The following RIT2 variants were observed in gnomAD, a reference collection of about 807,000 sequenced individuals.
RIT2 encodes the protein Ras like without CAAX 2.
In RIT2, 24 loss-of-function variants were observed where a neutral mutation model predicts 23.7. That is an observed-to-expected ratio of 1.01 (90% CI 0.73 to 1.43). The LOEUF (loss-of-function observed/expected upper bound fraction) is 1.43, where lower values mean the gene tolerates loss of function less well. RIT2 is among the 40% of genes most tolerant of loss of function. RIT2 has a pLI of 0.00. For synonymous variants in RIT2, 107 were observed against 91.1 expected (o/e 1.17, Z -0.99); for missense variants, 236 against 266.9 (o/e 0.88, Z 0.81).
intron 1 of RIT2, among the ~76,000 whole-genome samples, chr18:43,095,869 A>G (rs745706134): frequency 2.6e-5 from 4 of 151,962 alleles, no homozygotes; most frequent in Non-Finnish European, 5.9e-5. Context: ...CTTCCTTTAC[A>G]CTAATATTAA....
intron 4 of RIT2, among the ~76,000 whole-genome samples, chr18:42,841,310 C>T (rs953687812): frequency 3.3e-5 from 5 of 152,156 alleles, no homozygotes; most frequent in African/African-American, 1.2e-4. Context: ...ATAATAGCAG[C>T]TTTTCATCCA....
rs190247363 is a variant in RIT2 at position 43,103,314 on chromosome 18, T to C, written c.103+12103A>G. On this transcript the variant is annotated intron_variant, in intron 1 of 4. Coordinates refer to ENST00000326695, the MANE Select transcript of RIT2 (RefSeq NM_002930.4). ...AAAAAGGGTATTATGTTTATAAATA[T>C]TTTTGAAGATTTACTCCCATAAGTA... 4.6e-3 allele frequency among the ~76,000 whole-genome samples: 705 copies of C among 152,322 alleles called. 3 individuals are homozygous for C. The highest frequency in any genetic ancestry group is 0.017 in the Middle Eastern group (5 of 294).
At chr18:42,936,894 C>T (rs116683882) in intron 3 of RIT2, among the ~76,000 whole-genome samples, 2,603 of 152,012 alleles carry the variant, frequency 0.017, 98 homozygotes, top group African/African-American at 0.06. Flanking sequence ...TGCCTGTAAC[C>T]CCAGCTACTC....
intron 2 of RIT2, among the ~76,000 whole-genome samples, chr18:43,020,391 C>T (rs899110141): frequency 2.6e-5 from 4 of 151,998 alleles, no homozygotes; most frequent in African/African-American, 4.8e-5. Flanking sequence ...GAGGCTGAGG[C>T]ATGAGAATCA....
At chr18:42,838,054 A>G (rs936603844) in intron 4 of RIT2, among the ~76,000 whole-genome samples, 6 of 152,292 alleles carry the variant, frequency 3.9e-5, no homozygotes, top group Middle Eastern at 3.4e-3. Flanking sequence ...CCCCATCTCT[A>G]AAGTGCTGAA....
At chr18:43,028,053 A>T (rs6507509) in intron 2 of RIT2, among the ~76,000 whole-genome samples, 4,707 of 152,226 alleles carry the variant, frequency 0.031, 260 homozygotes, top group African/African-American at 0.1. Flanking sequence ...CATGGAACCT[A>T]CTTTTTATAT....
chr18:42,944,157 G>A (rs1909669818), intron 3 of RIT2, among the ~76,000 whole-genome samples: 1 of 152,050 alleles, frequency 6.6e-6, no homozygotes, highest in African/African-American at 2.4e-5. Flanking sequence ...TATGAGCCCT[G>A]GGGCCATATG....
chr18:42,897,565 T>C (rs919217859), intron 4 of RIT2, among the ~76,000 whole-genome samples: 1 of 152,128 alleles, frequency 6.6e-6, no homozygotes, highest in African/African-American at 2.4e-5. Context: ...TGTTTATGTA[T>C]AAAGCACAAA....
intron 3 of RIT2, among the ~76,000 whole-genome samples, chr18:42,930,138 G>A (rs1018285740): frequency 1.3e-5 from 2 of 152,136 alleles, no homozygotes; most frequent in African/African-American, 4.8e-5. Context: ...TGACAACCAG[G>A]TTTTGGGTTT....
intron 3 of RIT2, among the ~76,000 whole-genome samples, chr18:42,953,645 G>A (rs900760806): frequency 6.6e-5 from 10 of 152,230 alleles, no homozygotes; most frequent in Middle Eastern, 3.4e-3. Flanking sequence ...TCTGAGAGGA[G>A]GGTCTTGTTA....
At chr18:42,778,101 GCTGTGC>G (rs1171381934) in intron 4 of RIT2, among the ~76,000 whole-genome samples, 2 of 152,068 alleles carry the variant, frequency 1.3e-5, no homozygotes, top group Admixed American at 1.3e-4. Flanking sequence ...ATGGCTGGCT[GCTGTGC>G]TTTTAGAGCA....
chr18:43,047,182 T>C (rs1256493210), intron 1 of RIT2, among the ~76,000 whole-genome samples: 1 of 152,094 alleles, frequency 6.6e-6, no homozygotes, highest in Non-Finnish European at 1.5e-5. Flanking sequence ...CCTTTCTCAA[T>C]GTCATATATT....
intron 4 of RIT2, among the ~76,000 whole-genome samples, chr18:42,903,552 T>C (rs1437327609): frequency 6.6e-6 from 1 of 152,106 alleles, no homozygotes; most frequent in Non-Finnish European, 1.5e-5. Context: ...TTTAGATGAA[T>C]ATACGACATT....
At chr18:43,040,460 A>T (rs2144293410) in intron 1 of RIT2, among the ~76,000 whole-genome samples, 1 of 152,288 alleles carries the variant, frequency 6.6e-6, no homozygotes, top group South Asian at 2.1e-4. Flanking sequence ...ATTGTGTTCT[A>T]TGGAGTCTTT....
intron 4 of RIT2, among the ~76,000 whole-genome samples, chr18:42,891,903 G>C (rs1405641611): frequency 6.6e-6 from 1 of 152,002 alleles, no homozygotes. Context: ...GGGTAATAAC[G>C]GTGTGTCAAT....
intron 3 of RIT2, among the ~76,000 whole-genome samples, chr18:42,929,995 G>A (rs1350276556): frequency 2.0e-5 from 3 of 152,104 alleles, no homozygotes; most frequent in East Asian, 1.9e-4. Flanking sequence ...GTGGCAAGAC[G>A]GAGAGTATAG....
At chr18:42,997,079 C>T (rs1050891737) in intron 2 of RIT2, among the ~76,000 whole-genome samples, 2 of 152,082 alleles carry the variant, frequency 1.3e-5, no homozygotes, top group African/African-American at 4.8e-5. Flanking sequence ...CCTGTTGTTT[C>T]AGAGATATGC....
chr18:42,958,515 C>A (rs1385103467), intron 3 of RIT2, among the ~76,000 whole-genome samples: 1 of 152,016 alleles, frequency 6.6e-6, no homozygotes, highest in African/African-American at 2.4e-5. Context: ...ACTAGGGGTG[C>A]TTTTGAAATT....
At position 43,050,286 on chromosome 18, in the gene RIT2, C is replaced by G. The variant is rs138086996; in HGVS notation, c.104-16419G>C. ...GCTCAAGTGATCCTACTGCCTTGGC[C>G]TCCCAAAGCACTAGGATTATAGGTG... On this transcript the variant is annotated intron_variant, in intron 1 of 4. Transcript: ENST00000326695. 1.8e-3 allele frequency among the ~76,000 whole-genome samples: 281 copies of G among 152,050 alleles called. 1 individual carries two copies. Among genetic ancestry groups the G allele is most frequent in the African/African-American group, 6.4e-3 (267 of 41,470 alleles).
Sources: allele counts gnomAD v4.1 joint callset (sites outside exome capture counted in the v4.1 genomes callset), GRCh38; gene constraint gnomAD v4.1.1; transcripts MANE v1.5; gene names NCBI Gene and HGNC (gene_info 2026-07-23, HGNC 2026-07-21).